RFX7: variants seen among roughly 807,000 people sequenced by gnomAD.
RFX7 encodes regulatory factor X7, also known as DNA-binding protein RFX7.
RFX7 carries 26 observed loss-of-function variants against 111.8 expected under a neutral mutation model. The ratio of observed to expected loss-of-function variants is 0.23; its 90% CI spans 0.17 to 0.32. The LOEUF (loss-of-function observed/expected upper bound fraction) is 0.32. RFX7 is among the 10% of genes least tolerant of loss of function. The probability of loss-of-function intolerance (pLI) is 1.00; values close to 1 mark genes in which losing one functional copy is unlikely to be tolerated. For synonymous variants in RFX7, 624 were observed against 624.4 expected (o/e 1.00, Z 0.01); for missense variants, 1,573 against 1,772.9 (o/e 0.89, Z 2.02).
intron 3 of RFX7, among the ~76,000 whole-genome samples, chr15:56,176,239 G>A (rs1567037366): frequency 6.6e-6 from 1 of 152,086 alleles, no homozygotes; most frequent in Non-Finnish European, 1.5e-5. Context: ...AGAAGGGGAG[G>A]AGAGAATCAA....
At chr15:56,138,236 A>T (rs1374535659) in intron 5 of RFX7, among the ~76,000 whole-genome samples, 5 of 132,670 alleles carry the variant, frequency 3.8e-5, no homozygotes, top group East Asian at 2.6e-4. Context: ...CCCATTATTA[A>T]TGTGTGGGAG....
At chr15:56,244,415 A>T (rs1252568160), upstream of RFX7, 1 of 152,162 alleles carries the variant, frequency 6.6e-6, no homozygotes, top group South Asian at 2.1e-4. Flanking sequence ...CGGGCATTCA[A>T]AGCCCTCCAA....
Position 56,098,145 on chromosome 15 carries a change from T to C in RFX7, c.1043A>G (p.Asn348Ser), listed in dbSNP as rs539105399. The C allele has an allele frequency of 6.2e-7, 1 of 1,613,946 alleles. No individual in the cohort carries two copies. Among genetic ancestry groups the C allele is most frequent in the Non-Finnish European group, 8.5e-7 (1 of 1,179,856 alleles). Residue 348 changes from asparagine (N) to serine (S), a missense_variant, in exon 9 of 10, where the codon AAT (asparagine) becomes AGT (serine). Physicochemically the swap from Asn to Ser is conservative, Grantham distance 46 (BLOSUM62 1). Transcript: ENST00000559447. ...AGGTTGAGGAGAAAGGATTGAAGGA[T>C]TTCCATTAGGAAGATTAGTCACTCC... ...SNGVTNLPNGNPSILSPQPIG... is the reference protein window; with the variant it reads ...SNGVTNLPNGSPSILSPQPIG...
Position 56,087,493 on chromosome 15 carries a change from G to A in RFX7, c.*5852C>T, listed in dbSNP as rs1316863165. On this transcript the variant is annotated 3_prime_UTR_variant, in exon 10 of 10. Coordinates refer to ENST00000559447, the MANE Select transcript of RFX7 (RefSeq NM_022841.7). ...TCACATTTGCATTCCAGCCAGCAGAGAGGAAGGACAAGAACACTGCAAAGA... is the reference window on the plus strand; with the variant it reads ...TCACATTTGCATTCCAGCCAGCAGAAAGGAAGGACAAGAACACTGCAAAGA... 4.4e-6 allele frequency: 2 copies of A among 456,588 alleles called. No individual in the cohort carries two copies. Among genetic ancestry groups the A allele is most frequent in the African/African-American group, 4.0e-5 (2 of 50,066 alleles). 28.3% of individuals were successfully genotyped at this position (456,588 alleles called of 1,614,324 possible).
chr15:56,142,602 C>A (rs2042415403), intron 5 of RFX7, among the ~76,000 whole-genome samples, 176 bp downstream of exon 5: 1 of 152,136 alleles, frequency 6.6e-6, no homozygotes, highest in African/African-American at 2.4e-5. Flanking sequence ...TCCTGCCCCC[C>A]TTTATTATAA....
intron 5 of RFX7, among the ~76,000 whole-genome samples, chr15:56,111,971 C>A (rs1452823309): frequency 1.3e-5 from 2 of 151,856 alleles, no homozygotes; most frequent in African/African-American, 4.8e-5. Flanking sequence ...AAAAACTAGC[C>A]GGGCGTGGTG....
rs771850268 is a variant in RFX7 at position 56,103,604 on chromosome 15, G to A, written c.468C>T (p.Asn156=). ...GACGTGCCTTCATGTTTGGAAAGAC[G>A]TTTTTCATGATCTTTCCAAAATCAG... ...SAADFGKIMK[N]VFPNMKARRL... Residue 156 remains asparagine (N), a synonymous_variant, in exon 6 of 10, where the codon AAC becomes AAT. Coordinates refer to ENST00000559447, the MANE Select transcript of RFX7 (RefSeq NM_022841.7). 60 of 1,607,212 alleles carry A rather than the reference G, an allele frequency of 3.7e-5. No individual in the cohort carries two copies. The highest frequency in any genetic ancestry group is 4.2e-5 in the Non-Finnish European group (49 of 1,176,744).
intron 5 of RFX7, among the ~76,000 whole-genome samples, chr15:56,117,628 C>A (rs1331243734): frequency 6.6e-6 from 1 of 152,036 alleles, no homozygotes; most frequent in African/African-American, 2.4e-5. Flanking sequence ...TCTTCCTATC[C>A]CCATCCCCTT....
chr15:56,206,704 T>C (rs561333655), intron 2 of RFX7, among the ~76,000 whole-genome samples: 32 of 151,728 alleles, frequency 2.1e-4, no homozygotes, highest in African/African-American at 6.0e-4. Context: ...GTAATATAGA[T>C]GGAACTAGAG....
intron 8 of RFX7, among the ~76,000 whole-genome samples, chr15:56,098,849 C>G (rs2041716645): frequency 6.6e-6 from 1 of 152,304 alleles, no homozygotes; most frequent in East Asian, 1.9e-4. Flanking sequence ...AGCCACTCCT[C>G]ATAATGGAAT....
chr15:56,235,504 C>A (rs2043613422), intron 2 of RFX7, among the ~76,000 whole-genome samples: 1 of 152,102 alleles, frequency 6.6e-6, no homozygotes. Context: ...CACAGAAAAA[C>A]AGAAAAACAC....
At chr15:56,109,076 C>A (rs997369491) in intron 5 of RFX7, among the ~76,000 whole-genome samples, 1 of 152,184 alleles carries the variant, frequency 6.6e-6, no homozygotes. Flanking sequence ...CCTCTTTCCA[C>A]GGTCTCCCTC....
chr15:56,127,051 A>G (rs1393633884), intron 5 of RFX7, among the ~76,000 whole-genome samples: 1 of 152,126 alleles, frequency 6.6e-6, no homozygotes, highest in Non-Finnish European at 1.5e-5. Flanking sequence ...CAATAGCACA[A>G]AAAGCATTCT....
At chr15:56,207,712 A>G (rs1489906154) in intron 2 of RFX7, among the ~76,000 whole-genome samples, 6 of 152,232 alleles carry the variant, frequency 3.9e-5, no homozygotes, top group Admixed American at 3.3e-4. Context: ...TTTTTTAAAA[A>G]GAGCTAGGAC....
chr15:56,109,887 C>T (rs1440561473), intron 5 of RFX7, among the ~76,000 whole-genome samples: 5 of 151,428 alleles, frequency 3.3e-5, no homozygotes, highest in Middle Eastern at 3.2e-3. Flanking sequence ...TGTCTCCGCC[C>T]GGCAGCCACC....
At chr15:56,216,269 G>A (rs2043362094) in intron 2 of RFX7, among the ~76,000 whole-genome samples, 2 of 152,128 alleles carry the variant, frequency 1.3e-5, no homozygotes, top group African/African-American at 2.4e-5. Flanking sequence ...AAACTATGGT[G>A]ATTTGGTATT....
Position 56,171,377 on chromosome 15 carries a change from T to C in RFX7, c.195+7893A>G, listed in dbSNP as rs530567979. 3.3e-5 allele frequency among the ~76,000 whole-genome samples: 5 copies of C among 152,254 alleles called. 1 individual carries two copies. The South Asian group carries it at 1.0e-3, about 32-fold the overall frequency. On this transcript the variant is annotated intron_variant, in intron 3 of 9. Coordinates refer to ENST00000559447, the MANE Select transcript of RFX7 (RefSeq NM_022841.7). ...GATGGGGAGATTATCTTGGCTTCCC[T>C]GAGTAGGATCAATGTATACTCAGGT...
chr15:56,128,004 G>A (rs1412833070), intron 5 of RFX7, among the ~76,000 whole-genome samples: 2 of 151,756 alleles, frequency 1.3e-5, no homozygotes, highest in Non-Finnish European at 2.9e-5. Context: ...ATGAAAAACT[G>A]TATGACAACA....
chr15:56,141,276 G>A (rs572799590), intron 5 of RFX7, among the ~76,000 whole-genome samples: 22 of 151,844 alleles, frequency 1.4e-4, no homozygotes, highest in Non-Finnish European at 3.1e-4. Flanking sequence ...TGAGCCCTGG[G>A]GGTGGGGGTG....
Sources: allele counts gnomAD v4.1 joint callset (sites outside exome capture counted in the v4.1 genomes callset), GRCh38; gene constraint gnomAD v4.1.1; transcripts MANE v1.5; gene names NCBI Gene and HGNC (gene_info 2026-07-23, HGNC 2026-07-21).